Variants in PCDHGB1 observed in about 807,000 individuals in gnomAD.
The protein encoded by PCDHGB1 is protocadherin gamma subfamily B, 1, also known as protocadherin gamma-B1.
A neutral mutation model predicts 56.6 loss-of-function variants in PCDHGB1; 34 were observed. The observed-to-expected ratio is 0.60, with a 90% confidence interval of 0.46 to 0.80. The LOEUF is 0.80. PCDHGB1 is among the 30% of genes least tolerant of loss of function. The pLI is 0.00. For synonymous variants in PCDHGB1, 561 were observed against 505.9 expected (o/e 1.11, Z -1.46); for missense variants, 1,278 against 1,204.6 (o/e 1.06, Z -0.90).
At chr5:141,362,074 C>A (rs1441916525) in intron 1 of PCDHGB1, 1 of 1,612,448 alleles carries the variant, frequency 6.2e-7, no homozygotes, top group East Asian at 2.2e-5. Context: ...GGTCGCTGTG[C>A]GTGATGGAGG....
At chr5:141,385,118 T>C in intron 1 of PCDHGB1, 1 of 1,614,216 alleles carries the variant, frequency 6.2e-7, no homozygotes. Context: ...ACCTCGCACT[T>C]TGTGGGCATG....
intron 3 of PCDHGB1, among the ~76,000 whole-genome samples, chr5:141,509,320 C>A (rs1261653347): frequency 6.6e-6 from 1 of 152,194 alleles, no homozygotes; most frequent in Non-Finnish European, 1.5e-5. Flanking sequence ...GGGAGAGAAG[C>A]TCTACTGCCA....
chr5:141,454,564 G>A (rs896426143), intron 1 of PCDHGB1, among the ~76,000 whole-genome samples: 1 of 151,874 alleles, frequency 6.6e-6, no homozygotes, highest in Non-Finnish European at 1.5e-5. Context: ...GTGCCACCAC[G>A]CCCGGCTAAT....
At chr5:141,361,253 A>G (rs772309054) in intron 1 of PCDHGB1, 1 of 1,613,952 alleles carries the variant, frequency 6.2e-7, no homozygotes, top group South Asian at 1.1e-5. Context: ...AAAACGAGAG[A>G]CAGAGACTCT....
intron 1 of PCDHGB1, chr5:141,384,922 C>G: frequency 6.2e-7 from 1 of 1,614,018 alleles, no homozygotes; most frequent in Non-Finnish European, 8.5e-7. Flanking sequence ...CTTGGCCGAC[C>G]TGGGCAGCCT....
At chr5:141,383,164 A>G (rs1778887278) in intron 1 of PCDHGB1, 1 of 1,614,016 alleles carries the variant, frequency 6.2e-7, no homozygotes, top group Non-Finnish European at 8.5e-7. Context: ...CACTGCGGGC[A>G]GGATAGACCG....
chr5:141,394,132 T>C, intron 1 of PCDHGB1: 1 of 1,613,980 alleles, frequency 6.2e-7, no homozygotes, highest in Non-Finnish European at 8.5e-7. Flanking sequence ...CAAATCGCTC[T>C]GCACGTGGCA....
chr5:141,356,912 G>T (rs376285031), intron 1 of PCDHGB1: 2 of 1,614,130 alleles, frequency 1.2e-6, no homozygotes, highest in South Asian at 1.1e-5. Context: ...CCTACTGATG[G>T]CTCCACTGGT....
Position 141,489,216 on chromosome 5 carries a change from C to G in PCDHGB1, c.2410-5591C>G. The G allele has an allele frequency of 6.7e-7, 1 of 1,486,698 alleles. No individual in the cohort carries two copies. Among genetic ancestry groups the G allele is most frequent in the Non-Finnish European group, 9.1e-7 (1 of 1,103,260 alleles). 92.1% of individuals were successfully genotyped at this position (1,486,698 alleles called of 1,614,324 possible). ...TTGGAGACAGGACAGCACAGACTTA[C>G]TCTCCACAAAGGGACTTCTGGGTCA... On this transcript the variant is annotated intron_variant, in intron 1 of 3. Transcript: ENST00000523390. This position sits in a 1 kb window ranked among gnomAD's most constrained non-coding sequence, Gnocchi z 4.5.
At chr5:141,417,872 T>G (rs2096175848) in intron 1 of PCDHGB1, 5 of 1,555,026 alleles carry the variant, frequency 3.2e-6, no homozygotes, top group African/African-American at 1.4e-5. Flanking sequence ...GGGAGGGAGC[T>G]GCGCGCAGAG....
intron 3 of PCDHGB1, among the ~76,000 whole-genome samples, chr5:141,508,649 C>T (rs1303066200): frequency 6.6e-6 from 1 of 152,126 alleles, no homozygotes; most frequent in Non-Finnish European, 1.5e-5. Flanking sequence ...CCGTCAGGCC[C>T]TTCCTGTCAT....
chr5:141,477,298 T>C lies in PCDHGB1; in HGVS notation c.2410-17509T>C. ...TGGTGACCTGCGAAGTTCCACCGGG[T>C]CTCCCTTTCAGCCTTACTTCTTCCC... On this transcript the variant is annotated intron_variant, in intron 1 of 3. Coordinates refer to ENST00000523390, the MANE Select transcript of PCDHGB1 (RefSeq NM_018922.3). This position sits in a 1 kb window ranked among gnomAD's most constrained non-coding sequence, Gnocchi z 4.9. 1 of 1,613,344 alleles carries C rather than the reference T, an allele frequency of 6.2e-7. No individual in the cohort carries two copies. Among genetic ancestry groups the C allele is most frequent in the Non-Finnish European group, 8.5e-7 (1 of 1,179,870 alleles).
At chr5:141,495,123 T>C (rs2099759225) in intron 2 of PCDHGB1, among the ~76,000 whole-genome samples, 1 of 152,162 alleles carries the variant, frequency 6.6e-6, no homozygotes, top group African/African-American at 2.4e-5. Flanking sequence ...TCCTATCCCC[T>C]GAGGGCACTG....
chr5:141,395,558 G>A (rs60237573), intron 1 of PCDHGB1: 1 of 127,936 alleles, frequency 7.8e-6, no homozygotes, highest in South Asian at 2.0e-4. Flanking sequence ...GTGTGTGTGT[G>A]TGTGTGTGTG....
At chr5:141,478,794 G>A in intron 1 of PCDHGB1, 1 of 1,468,126 alleles carries the variant, frequency 6.8e-7, no homozygotes, top group Non-Finnish European at 9.0e-7. Flanking sequence ...CACATCCTCA[G>A]CACTCTTTTG....
At chr5:141,484,891 C>T in intron 1 of PCDHGB1, 1 of 361,788 alleles carries the variant, frequency 2.8e-6, no homozygotes, top group Non-Finnish European at 5.0e-6. Context: ...GGGCTTTTTC[C>T]CCTCCAATGC....
rs998267605 is a variant in PCDHGB1 at position 141,383,657 on chromosome 5, A to T, written c.2409+30988A>T. The stretch of plus-strand genomic sequence containing the variant: ...CCTCAGTACCAAGTAACTGTCCCCG[A>T]GAATGTGCCAGTGGGTACAAGACTG... On this transcript the variant is annotated intron_variant, in intron 1 of 3. Transcript: ENST00000523390. 6 of 1,614,058 alleles carry T rather than the reference A, an allele frequency of 3.7e-6. No homozygotes were observed. In the East Asian group the frequency reaches 1.3e-4, roughly 36 times the overall value.
At chr5:141,415,740 G>GTTTTTTTTTTTTTTTTTTTTTTTTTTT (rs57426385) in intron 1 of PCDHGB1, 4 of 625,042 alleles carry the variant, frequency 6.4e-6, no homozygotes, top group Non-Finnish European at 6.4e-6. Flanking sequence ...GTTTATTAAG[G>GTTTTTTTTTTTTTTTTTTTTTTTTTTT]TTTTTTTTTT....
rs754972380 is a variant in PCDHGB1 at position 141,362,072 on chromosome 5, T to C, written c.2409+9403T>C. 9 of 1,612,630 alleles carry C rather than the reference T, an allele frequency of 5.6e-6. No individual in the cohort carries two copies. In the East Asian group the frequency reaches 1.3e-4, roughly 24 times the overall value. ...GCCCGCCAGCGCCTGCTGGTCGCTG[T>C]GCGTGATGGAGGACAGCCGCCACTC... On this transcript the variant is annotated intron_variant, in intron 1 of 3. Transcript: ENST00000523390.
Sources: gnomAD v4.1 joint callset for allele counts (sites outside exome capture counted in the v4.1 genomes callset) on GRCh38, gnomAD v4.1.1 for gene constraint, Gnocchi (gnomAD v3.1) non-coding constraint, MANE v1.5 for transcripts, NCBI Gene and HGNC (gene_info 2026-07-23, HGNC 2026-07-21) for gene names.